The following XKR4 variants were observed in gnomAD, a reference collection of about 807,000 sequenced individuals.
XKR4 encodes XK related 4.
In XKR4, 12 loss-of-function variants were observed where a neutral mutation model predicts 53.9. The ratio of observed to expected loss-of-function variants is 0.22; its 90% confidence interval spans 0.14 to 0.36. The LOEUF (loss-of-function observed/expected upper bound fraction) is 0.36, where lower values mean the gene tolerates loss of function less well. Ranked by LOEUF, XKR4 falls within the 10% of genes least tolerant of loss-of-function variation. XKR4 has a pLI of 1.00. For missense variants in XKR4, 799 were observed against 859.5 expected (o/e 0.93, Z 0.88); for synonymous variants, 354 against 362.4 (o/e 0.98, Z 0.26).
intron 1 of XKR4, among the ~76,000 whole-genome samples, chr8:55,245,580 C>A (rs1029711092): frequency 6.6e-6 from 1 of 152,080 alleles, no homozygotes; most frequent in Non-Finnish European, 1.5e-5. Flanking sequence ...GGTCTTGTTG[C>A]CTGTATAGTA....
chr8:55,434,077 G>T (rs1266256315), intron 2 of XKR4, among the ~76,000 whole-genome samples: 1 of 151,906 alleles, frequency 6.6e-6, no homozygotes, highest in Non-Finnish European at 1.5e-5. Context: ...GAAAAATCAA[G>T]TTCAAGATAA....
At chr8:55,425,474 T>C (rs1227697099) in intron 2 of XKR4, among the ~76,000 whole-genome samples, 1 of 152,192 alleles carries the variant, frequency 6.6e-6, no homozygotes, top group Non-Finnish European at 1.5e-5. Context: ...TAGATTGAGA[T>C]CTCCAGCCTT....
intron 1 of XKR4, among the ~76,000 whole-genome samples, chr8:55,220,612 C>T (rs1195381011): frequency 4.6e-5 from 7 of 152,168 alleles, no homozygotes; most frequent in Admixed American, 4.6e-4. Context: ...ACTCCATAGA[C>T]TCTCAAAGCT....
At chr8:55,308,177 C>T (rs556224296) in intron 1 of XKR4, among the ~76,000 whole-genome samples, 13 of 152,190 alleles carry the variant, frequency 8.5e-5, no homozygotes, top group East Asian at 1.9e-4. Context: ...TGCTTGAACC[C>T]GGGAGGCATA....
intron 2 of XKR4, among the ~76,000 whole-genome samples, chr8:55,394,342 C>T (rs1184694816): frequency 6.6e-6 from 1 of 151,938 alleles, no homozygotes; most frequent in Non-Finnish European, 1.5e-5. Flanking sequence ...TAGAGGAGGT[C>T]CTTAGTATTT....
chr8:55,211,684 G>A (rs190752854), intron 1 of XKR4, among the ~76,000 whole-genome samples: 54 of 152,232 alleles, frequency 3.5e-4, no homozygotes, highest in Non-Finnish European at 6.2e-4. Flanking sequence ...TTAGAGTTAC[G>A]TTTAAAGTAT....
At chr8:55,300,369 A>G (rs1005485795) in intron 1 of XKR4, among the ~76,000 whole-genome samples, 9 of 152,174 alleles carry the variant, frequency 5.9e-5, no homozygotes, top group East Asian at 3.9e-4. Context: ...GAAATCAGAA[A>G]TGGGAATGTT....
chr8:55,370,342 T>C (rs1248957858), intron 2 of XKR4, among the ~76,000 whole-genome samples: 1 of 152,210 alleles, frequency 6.6e-6, no homozygotes, highest in Non-Finnish European at 1.5e-5. Flanking sequence ...GAGCTCTTAA[T>C]AGTGCCCCAT....
intron 1 of XKR4, among the ~76,000 whole-genome samples, chr8:55,158,854 C>A (rs890826153): frequency 3.9e-5 from 6 of 152,144 alleles, no homozygotes; most frequent in Non-Finnish European, 8.8e-5. Context: ...TGTTTTTGTA[C>A]CAATACCATG....
chr8:55,274,203 A>G (rs1200839062), intron 1 of XKR4, among the ~76,000 whole-genome samples: 2 of 152,218 alleles, frequency 1.3e-5, no homozygotes, highest in African/African-American at 4.8e-5. Flanking sequence ...GACTAGTGCT[A>G]TATTACTTAC....
At chr8:55,317,850 G>T (rs1409968971) in intron 1 of XKR4, among the ~76,000 whole-genome samples, 1 of 152,216 alleles carries the variant, frequency 6.6e-6, no homozygotes, top group African/African-American at 2.4e-5. Context: ...AACATCAGGG[G>T]CTGAGACTCA....
chr8:55,174,182 C>T (rs1817200285), intron 1 of XKR4, among the ~76,000 whole-genome samples: 1 of 151,946 alleles, frequency 6.6e-6, no homozygotes, highest in Non-Finnish European at 1.5e-5. Context: ...AGTTTAATGA[C>T]AAGTTTCCTG....
At chr8:55,283,055 G>A (rs114255210) in intron 1 of XKR4, among the ~76,000 whole-genome samples, 2 of 152,090 alleles carry the variant, frequency 1.3e-5, no homozygotes, top group Non-Finnish European at 2.9e-5. Flanking sequence ...TGCTGTACAG[G>A]TGTGTAGCCT....
At chr8:55,423,327 T>G (rs1804965640) in intron 2 of XKR4, among the ~76,000 whole-genome samples, 2 of 152,126 alleles carry the variant, frequency 1.3e-5, no homozygotes, top group Non-Finnish European at 2.9e-5. Context: ...ACTCCTGACC[T>G]CGGGTGATCC....
intron 2 of XKR4, among the ~76,000 whole-genome samples, chr8:55,512,405 C>T (rs1319360702): frequency 1.3e-5 from 2 of 152,198 alleles, no homozygotes; most frequent in African/African-American, 4.8e-5. Context: ...CAGCCCTCCT[C>T]AGCCCTGCCT....
intron 1 of XKR4, among the ~76,000 whole-genome samples, chr8:55,297,719 G>A (rs778018879): frequency 4.6e-5 from 7 of 152,186 alleles, no homozygotes; most frequent in Non-Finnish European, 8.8e-5. Flanking sequence ...AGATAATCAA[G>A]TAGTTCAAGA....
chr8:55,348,433 A>G (rs1272931947), intron 1 of XKR4, among the ~76,000 whole-genome samples: 2 of 152,182 alleles, frequency 1.3e-5, no homozygotes, highest in Non-Finnish European at 2.9e-5. Flanking sequence ...GAGAACCAGA[A>G]GGAAATAATA....
chr8:55,505,379 TAAATA>T lies in XKR4; in HGVS notation c.1007-17881_1007-17877del, dbSNP rs540020653. 2.7e-4 allele frequency among the ~76,000 whole-genome samples: 41 copies of T among 152,080 alleles called. No individual in the cohort carries two copies. In the Middle Eastern group the frequency reaches 0.01, roughly 38 times the overall value. On this transcript the variant is annotated intron_variant, in intron 2 of 2. Transcript: ENST00000327381. ...CAACATAGCAAGACTTCATCTCTAC[TAAATA>T]AAATAAAATAAAATAAAATAGCCAG... is the stretch of plus-strand genomic sequence containing the variant.
At chr8:55,284,265 G>A (rs1011354814) in intron 1 of XKR4, among the ~76,000 whole-genome samples, 7 of 152,118 alleles carry the variant, frequency 4.6e-5, no homozygotes, top group African/African-American at 1.4e-4. Context: ...ATTTGTAAAT[G>A]TTATTTTATT....
Sources: gnomAD v4.1 joint callset for allele counts (sites outside exome capture counted in the v4.1 genomes callset) on GRCh38, gnomAD v4.1.1 for gene constraint, MANE v1.5 for transcripts, NCBI Gene and HGNC (gene_info 2026-07-23, HGNC 2026-07-21) for gene names.